The following HSDL2 variants were observed in gnomAD, a reference collection of about 807,000 sequenced individuals.
The protein encoded by HSDL2 is hydroxysteroid dehydrogenase like 2, also known as hydroxysteroid dehydrogenase-like protein 2.
HSDL2 carries 27 observed loss-of-function variants against 46.3 expected under a neutral mutation model. The observed-to-expected ratio is 0.58, with a 90% CI of 0.43 to 0.80. The LOEUF (loss-of-function observed/expected upper bound fraction) is 0.80, where lower values mean the gene tolerates loss of function less well. HSDL2 is among the 30% of genes least tolerant of loss of function. HSDL2 has a pLI of 0.00. For synonymous variants in HSDL2, 153 were observed against 163.6 expected (o/e 0.94, Z 0.50); for missense variants, 451 against 502.7 (o/e 0.90, Z 0.98).
intron 10 of HSDL2, among the ~76,000 whole-genome samples, chr9:112,460,950 G>A (rs950392989): frequency 6.6e-6 from 1 of 152,040 alleles, no homozygotes; most frequent in East Asian, 1.9e-4. Flanking sequence ...TTGTATGTGT[G>A]TGTTAGTGTA....
intron 6 of HSDL2, among the ~76,000 whole-genome samples, chr9:112,431,874 CTTTT>C (rs57619792): frequency 7.0e-5 from 7 of 100,074 alleles, no homozygotes; most frequent in East Asian, 2.7e-4. Context: ...GTATTTCTTT[CTTTT>C]TTTTTTTTTT....
At chr9:112,395,463 C>A (rs989050938) in intron 1 of HSDL2, among the ~76,000 whole-genome samples, 1 of 152,200 alleles carries the variant, frequency 6.6e-6, no homozygotes, top group African/African-American at 2.4e-5. Context: ...TTTTCCATAA[C>A]ACTGGCTTGC....
intron 8 of HSDL2, among the ~76,000 whole-genome samples, chr9:112,449,726 G>A (rs1302218995): frequency 6.6e-6 from 1 of 151,818 alleles, no homozygotes; most frequent in African/African-American, 2.4e-5. Flanking sequence ...TTAGTCGGGT[G>A]TGGTGGTGCA....
intron 8 of HSDL2, among the ~76,000 whole-genome samples, chr9:112,450,829 ATATAT>A (rs1319980942): frequency 6.6e-6 from 1 of 152,080 alleles, no homozygotes; most frequent in Non-Finnish European, 1.5e-5. Context: ...GAAGCTTTAT[ATATAT>A]TATGTTTAAT....
At chr9:112,417,655 A>G (rs1244147050) in intron 5 of HSDL2, among the ~76,000 whole-genome samples, 1 of 152,182 alleles carries the variant, frequency 6.6e-6, no homozygotes, top group Non-Finnish European at 1.5e-5. Context: ...GGCACTTGGA[A>G]TGGGAACCCA....
At chr9:112,451,734 CCCT>C (rs1412623846) in intron 8 of HSDL2, among the ~76,000 whole-genome samples, 2 of 151,946 alleles carry the variant, frequency 1.3e-5, no homozygotes. Flanking sequence ...AGAAAGTGTT[CCCT>C]CCTCTTGCAT....
intron 6 of HSDL2, among the ~76,000 whole-genome samples, chr9:112,430,209 C>T (rs1832355264): frequency 6.6e-6 from 1 of 152,092 alleles, no homozygotes; most frequent in East Asian, 1.9e-4. Flanking sequence ...TAGACTTTGA[C>T]ATTTGAGCAT....
chr9:112,383,968 T>C (rs1442587591), intron 1 of HSDL2, among the ~76,000 whole-genome samples: 1 of 152,180 alleles, frequency 6.6e-6, no homozygotes, highest in Non-Finnish European at 1.5e-5. Flanking sequence ...CCCGAAGTGC[T>C]AGGATTACAG....
chr9:112,396,629 G>A (rs1224276841), intron 1 of HSDL2, among the ~76,000 whole-genome samples: 1 of 152,122 alleles, frequency 6.6e-6, no homozygotes, highest in Non-Finnish European at 1.5e-5. Context: ...AGTATGAACC[G>A]TGATTCCTTT....
intron 10 of HSDL2, among the ~76,000 whole-genome samples, chr9:112,467,211 T>C (rs1197280163): frequency 6.6e-6 from 1 of 152,030 alleles, no homozygotes; most frequent in Admixed American, 6.6e-5. Flanking sequence ...GTGTGGTATA[T>C]ACATATAATG....
Position 112,409,055 on chromosome 9 carries a change from T to C in HSDL2, c.395+34T>C, listed in dbSNP as rs767416534. 6 of 1,226,334 alleles carry C rather than the reference T, an allele frequency of 4.9e-6. No individual in the cohort carries two copies. In the African/African-American group the frequency reaches 9.0e-5, roughly 18 times the overall value. The allele number at this position is 1,226,334 out of a possible 1,614,324, so 76.0% of individuals were successfully genotyped here. The stretch of plus-strand genomic sequence containing the variant: ...GCAAGAAGAGTTGTTGGGGAGGAAG[T>C]TGCGGTGTTTCTCAGGGAACTTACA... On this transcript the variant is annotated intron_variant, in intron 4 of 10. Coordinates refer to ENST00000398805, the MANE Select transcript of HSDL2 (RefSeq NM_032303.5).
chr9:112,431,721 C>T (rs778896220), intron 6 of HSDL2, among the ~76,000 whole-genome samples: 2 of 152,070 alleles, frequency 1.3e-5, no homozygotes, highest in Non-Finnish European at 2.9e-5. Flanking sequence ...TGCCATGTGA[C>T]GTGCCTGCTC....
At chr9:112,417,478 A>T (rs1490886262) in intron 5 of HSDL2, among the ~76,000 whole-genome samples, 13 of 36,324 alleles carry the variant, frequency 3.6e-4, no homozygotes, top group Admixed American at 2.0e-3. Flanking sequence ...CCCTGACTCT[A>T]AAAAAAAAAA....
intron 10 of HSDL2, chr9:112,469,620 C>T (rs1202064386): frequency 7.1e-6 from 1 of 140,146 alleles, no homozygotes; most frequent in African/African-American, 2.7e-5. Context: ...CCATGTACTC[C>T]ACTGTACATG....
intron 6 of HSDL2, among the ~76,000 whole-genome samples, chr9:112,435,048 G>A (rs2132665928): frequency 6.6e-6 from 1 of 152,058 alleles, no homozygotes; most frequent in South Asian, 2.1e-4. Flanking sequence ...TGCTTTTATT[G>A]TTACCAGTTT....
At chr9:112,458,127 C>T (rs1022664954) in intron 9 of HSDL2, among the ~76,000 whole-genome samples, 16 of 151,668 alleles carry the variant, frequency 1.1e-4, no homozygotes, top group Non-Finnish European at 2.2e-4. Flanking sequence ...GTTCCTCACA[C>T]GTGCTGCACT....
chr9:112,428,628 A>G (rs751429877), intron 6 of HSDL2, among the ~76,000 whole-genome samples: 16 of 152,196 alleles, frequency 1.1e-4, no homozygotes, highest in Non-Finnish European at 2.1e-4. Flanking sequence ...GCATGGAGGA[A>G]GGGTCAGTAT....
At chr9:112,464,565 T>C (rs1400128146) in intron 10 of HSDL2, among the ~76,000 whole-genome samples, 2 of 152,228 alleles carry the variant, frequency 1.3e-5, no homozygotes, top group African/African-American at 4.8e-5. Context: ...ATAACTAATT[T>C]TTGTGTATTG....
chr9:112,459,489 G>A lies in HSDL2; in HGVS notation c.1056G>A (p.Lys352=). Residue 352 remains lysine (K), a synonymous_variant, in exon 10 of 11, where the codon AAG becomes AAA. Coordinates refer to ENST00000398805, the MANE Select transcript of HSDL2 (RefSeq NM_032303.5). ...GGTWFLDLKS[K]GGNVGYGEPS... The stretch of plus-strand genomic sequence containing the variant: ...CGTGGTTTCTTGATCTGAAAAGCAA[G>A]GGTGGGAATGTCGGATATGGAGAGC... 1 of 1,614,022 alleles carries A rather than the reference G, an allele frequency of 6.2e-7. No individual in the cohort carries two copies. The highest frequency in any genetic ancestry group is 8.5e-7 in the Non-Finnish European group (1 of 1,179,896).
Sources: gnomAD v4.1 joint callset for allele counts (sites outside exome capture counted in the v4.1 genomes callset) on GRCh38, gnomAD v4.1.1 for gene constraint, MANE v1.5 for transcripts, NCBI Gene and HGNC (gene_info 2026-07-23, HGNC 2026-07-21) for gene names.